Variants in DACH2 observed in about 807,000 individuals in gnomAD.
The protein encoded by DACH2 is dachshund homolog 2.
Under a neutral mutation model 35.8 loss-of-function variants are expected in DACH2, and 17 were observed. The ratio of observed to expected loss-of-function variants is 0.48; its 90% CI spans 0.33 to 0.71. The LOEUF (loss-of-function observed/expected upper bound fraction) is 0.71, where lower values mean the gene tolerates loss of function less well. Among genes scored for constraint, DACH2 ranks in the 30% least tolerant of loss-of-function variants. The pLI is 0.02. For synonymous variants in DACH2, 195 were observed against 177.3 expected (o/e 1.10, Z -0.79); for missense variants, 469 against 472.7 (o/e 0.99, Z 0.07).
At chrX:86,444,882 T>G (rs1444916829) in intron 2 of DACH2, among the ~76,000 whole-genome samples, 2 of 111,298 alleles carry the variant, frequency 1.8e-5, no homozygotes, top group Admixed American at 1.9e-4. Flanking sequence ...TCTGCAAAGT[T>G]TGATTAGTGG....
At chrX:86,271,773 A>G (rs892191388) in intron 1 of DACH2, among the ~76,000 whole-genome samples, 1 of 112,162 alleles carries the variant, frequency 8.9e-6, no homozygotes, top group Middle Eastern at 4.6e-3. Flanking sequence ...ATAGTTTTAT[A>G]AAAAGGATCA....
At chrX:86,777,602 C>A (rs896955964) in intron 7 of DACH2, among the ~76,000 whole-genome samples, 23 of 111,150 alleles carry the variant, frequency 2.1e-4, no homozygotes, top group Non-Finnish European at 2.6e-4. Flanking sequence ...TATATATTTT[C>A]TATATTTATT....
chrX:86,218,021 C>A (rs1028988320), intron 1 of DACH2, among the ~76,000 whole-genome samples: 1 of 111,738 alleles, frequency 8.9e-6, no homozygotes, highest in Non-Finnish European at 1.9e-5. Flanking sequence ...TCCTGCCTTG[C>A]ACTTGCTCTA....
chrX:86,402,028 G>A (rs1247436231), intron 2 of DACH2, among the ~76,000 whole-genome samples: 1 of 111,712 alleles, frequency 9.0e-6, no homozygotes, highest in Non-Finnish European at 1.9e-5. Context: ...CATTGAAGGG[G>A]CATATCTAAA....
chrX:86,356,731 T>TA (rs1279149476), intron 1 of DACH2, among the ~76,000 whole-genome samples: 2 of 111,385 alleles, frequency 1.8e-5, no homozygotes, highest in South Asian at 3.8e-4. Context: ...TTTAAAAAAA[T>TA]TAAAAAATGC....
chrX:86,254,345 T>G (rs2033458508), intron 1 of DACH2, among the ~76,000 whole-genome samples: 1 of 110,957 alleles, frequency 9.0e-6, no homozygotes, highest in Admixed American at 9.7e-5. Flanking sequence ...TAAACATGGG[T>G]TACTGTTTAT....
At chrX:86,358,517 T>C (rs1211960680) in intron 1 of DACH2, among the ~76,000 whole-genome samples, 2 of 106,710 alleles carry the variant, frequency 1.9e-5, no homozygotes, top group African/African-American at 6.9e-5. Flanking sequence ...TATGGAGTGA[T>C]GGCAATGCCC....
At chrX:86,191,716 G>A (rs779289625) in intron 1 of DACH2, among the ~76,000 whole-genome samples, 7 of 111,105 alleles carry the variant, frequency 6.3e-5, no homozygotes, top group East Asian at 2.8e-4. Context: ...TGAGACGGGC[G>A]GATCACTTGA....
rs1196745097 is a variant in DACH2 at position 86,277,288 on chromosome X, G to A, written c.489-99536G>A. ...GTATTTAATTTTATTTGTGGCTATT[G>A]TAAACAGATGACTTTTTTGATTTCT... On this transcript the variant is annotated intron_variant, in intron 1 of 11. Coordinates refer to ENST00000373125, the MANE Select transcript of DACH2 (RefSeq NM_053281.3). Among the ~76,000 whole-genome samples the A allele has an allele frequency of 4.5e-5, 5 of 111,029 alleles. No individual in the cohort carries two copies. In the Admixed American group the frequency reaches 4.8e-4, roughly 11 times the overall value.
chrX:86,594,433 C>T (rs1489560706), intron 3 of DACH2, among the ~76,000 whole-genome samples: 1 of 111,621 alleles, frequency 9.0e-6, no homozygotes, highest in African/African-American at 3.2e-5. Context: ...GCATGGATAA[C>T]CTATTTTCTA....
intron 2 of DACH2, among the ~76,000 whole-genome samples, chrX:86,409,378 GT>G (rs1279322486): frequency 9.0e-6 from 1 of 111,452 alleles, no homozygotes; most frequent in Non-Finnish European, 1.9e-5. Flanking sequence ...CAAATTTCAT[GT>G]TGAAATGTAA....
chrX:86,314,833 C>T (rs1372655271), intron 1 of DACH2, among the ~76,000 whole-genome samples: 2 of 111,513 alleles, frequency 1.8e-5, no homozygotes, highest in Admixed American at 9.6e-5. Context: ...AGAGGTAAGA[C>T]GCTGCAGAAG....
chrX:86,711,308 C>T (rs1324975933), intron 5 of DACH2, among the ~76,000 whole-genome samples: 1 of 109,805 alleles, frequency 9.1e-6, no homozygotes, highest in Non-Finnish European at 1.9e-5. Context: ...GCCCGGGAGG[C>T]GGAGGTTGCG....
At position 86,497,519 on chromosome X, in the gene DACH2, G is replaced by A. The variant is rs756610853; in HGVS notation, c.528-16760G>A. 2.7e-5 allele frequency among the ~76,000 whole-genome samples: 3 copies of A among 111,307 alleles called. No homozygotes were observed. The South Asian group carries it at 1.1e-3, about 43-fold the overall frequency. On this transcript the variant is annotated intron_variant, in intron 2 of 11. Coordinates refer to ENST00000373125, the MANE Select transcript of DACH2 (RefSeq NM_053281.3). ...AGAGCAGGTACAGGGGAAGATTCCT[G>A]GAGAGAGGAGAGGAGCCCTACAACA...
chrX:86,265,827 CTA>C (rs762326461), intron 1 of DACH2, among the ~76,000 whole-genome samples: 1 of 111,453 alleles, frequency 9.0e-6, no homozygotes, highest in African/African-American at 3.3e-5. Flanking sequence ...GATGGCAGAG[CTA>C]TCTATAAAAT....
chrX:86,562,814 T>A (rs2039241756), intron 3 of DACH2, among the ~76,000 whole-genome samples: 1 of 111,806 alleles, frequency 8.9e-6, no homozygotes, highest in African/African-American at 3.2e-5. Flanking sequence ...GACTACATGA[T>A]ATGTTGATAC....
At position 86,708,863 on chromosome X, in the gene DACH2, G is replaced by T. The variant is rs557256283; in HGVS notation, c.932-5685G>T. Among the ~76,000 whole-genome samples the T allele has an allele frequency of 2.7e-4, 30 of 111,021 alleles. No homozygotes were observed. In the South Asian group the frequency reaches 0.012, roughly 43 times the overall value. ...AAACATAGCAAAATATATATAAGATGATTAGAAGGACTACTGCAGAACTCT... is the reference window on the plus strand; with the variant it reads ...AAACATAGCAAAATATATATAAGATTATTAGAAGGACTACTGCAGAACTCT... On this transcript the variant is annotated intron_variant, in intron 5 of 11. Transcript: ENST00000373125.
intron 1 of DACH2, among the ~76,000 whole-genome samples, chrX:86,217,770 TA>T (rs1244210820): frequency 1.8e-5 from 2 of 112,033 alleles, no homozygotes; most frequent in African/African-American, 6.5e-5. Context: ...ACAAATATTT[TA>T]TCATTAATAA....
intron 3 of DACH2, among the ~76,000 whole-genome samples, chrX:86,526,209 A>G (rs1460623524): frequency 8.9e-6 from 1 of 111,754 alleles, no homozygotes; most frequent in African/African-American, 3.2e-5. Context: ...CAATCATCCA[A>G]GGGATTCTGC....
Sources: gnomAD v4.1 joint callset for allele counts (sites outside exome capture counted in the v4.1 genomes callset) on GRCh38, gnomAD v4.1.1 for gene constraint, MANE v1.5 for transcripts, NCBI Gene and HGNC (gene_info 2026-07-23, HGNC 2026-07-21) for gene names.